BEND7: variants seen among roughly 807,000 people sequenced by gnomAD.
BEND7 encodes the protein BEN domain containing 7.
A neutral mutation model predicts 50.9 loss-of-function variants in BEND7; 28 were observed. The observed-to-expected ratio is 0.55, with a 90% confidence interval of 0.41 to 0.75. The LOEUF (loss-of-function observed/expected upper bound fraction) is 0.75, where lower values mean the gene tolerates loss of function less well. Ranked by LOEUF, BEND7 falls within the 30% of genes least tolerant of loss-of-function variation. The pLI is 0.00. For synonymous variants in BEND7, 170 were observed against 183.9 expected, an observed-to-expected ratio of 0.92 and a Z score of 0.61; for missense variants, 477 against 491.3, an observed-to-expected ratio of 0.97 and a Z score of 0.28.
chr10:13,440,345 C>A (rs74122729), downstream of BEND7, among the ~76,000 whole-genome samples: 1 of 152,224 alleles, frequency 6.6e-6, no homozygotes, highest in African/African-American at 2.4e-5. Flanking sequence ...GAGCCTGACT[C>A]CAGCTTCAGA....
At chr10:13,455,193 A>G (rs771300905) in intron 6 of BEND7, among the ~76,000 whole-genome samples, 1 of 149,230 alleles carries the variant, frequency 6.7e-6, no homozygotes, top group Non-Finnish European at 1.5e-5. Flanking sequence ...CAACAAAACA[A>G]AACAAAACAA....
At position 13,492,672 on chromosome 10, in the gene BEND7, G is replaced by T. The variant is rs1370249223; in HGVS notation, c.776C>A (p.Thr259Asn). The stretch of plus-strand genomic sequence containing the variant: ...TAGAACGCGGCTCTCCTCCGGGGAG[G>T]TGTGCTCGGCTGCCTGGAGAGCAGA... Reference protein sequence around the residue: ...ELSALQAAEHTSPEESRVLGF... With the variant: ...ELSALQAAEHNSPEESRVLGF... The change falls in exon 5 of 9, where the codon ACC becomes AAC. Residue 259 changes from threonine to asparagine, a missense_variant. Physicochemically the swap from Thr to Asn is moderately conservative, Grantham distance 65. Around this residue, in one of 3 missense-constraint regions of BEND7, gnomAD observed 396 missense variants for 384.2 expected, o/e 1.03. Transcript: ENST00000466271. 2 of 1,614,210 alleles carry T rather than the reference G, an allele frequency of 1.2e-6. No homozygotes were observed. Among genetic ancestry groups the T allele is most frequent in the African/African-American group, 2.7e-5 (2 of 75,062 alleles).
At chr10:13,494,193 C>T (rs990781655) in intron 4 of BEND7, among the ~76,000 whole-genome samples, 8 of 152,004 alleles carry the variant, frequency 5.3e-5, no homozygotes, top group African/African-American at 1.2e-4. Flanking sequence ...CCGAGGTGGG[C>T]GGATCACGAG....
downstream of BEND7, chr10:13,439,199 G>T: frequency 1.2e-6 from 2 of 1,613,740 alleles, no homozygotes; most frequent in Middle Eastern, 1.6e-4. Context: ...AGATGTGAAG[G>T]GTAAGAGACT....
At chr10:13,447,056 TAA>T (rs1836496073) in intron 8 of BEND7, 2 of 589,532 alleles carry the variant, frequency 3.4e-6, no homozygotes, top group Admixed American at 6.7e-5. Flanking sequence ...TTTATGAAAA[TAA>T]GAGTGTGAGA....
At chr10:13,467,664 T>C (rs890313385) in intron 6 of BEND7, among the ~76,000 whole-genome samples, 1 of 152,240 alleles carries the variant, frequency 6.6e-6, no homozygotes, top group Non-Finnish European at 1.5e-5. Context: ...TTCAAATTTA[T>C]ATTCTGCCTC....
intron 8 of BEND7, 101 bp downstream of exon 8, chr10:13,447,165 C>T (rs868307262): frequency 7.1e-6 from 9 of 1,263,692 alleles, no homozygotes; most frequent in Admixed American, 1.7e-5. Flanking sequence ...GCAGTTTGCT[C>T]AAGTGTCTGC....
At chr10:13,528,088 G>A (rs1012602559) in intron 1 of BEND7, among the ~76,000 whole-genome samples, 7 of 152,222 alleles carry the variant, frequency 4.6e-5, no homozygotes, top group African/African-American at 1.7e-4. Context: ...GCGGGGGGAA[G>A]GGGGAAGACC....
intron 6 of BEND7, chr10:13,460,014 C>T (rs966967465): frequency 2.0e-5 from 3 of 152,184 alleles, no homozygotes; most frequent in Non-Finnish European, 2.9e-5. Flanking sequence ...GGAGCCAAGC[C>T]GCAGATGTGT....
intron 4 of BEND7, among the ~76,000 whole-genome samples, chr10:13,493,312 T>C (rs1442202407): frequency 1.3e-5 from 2 of 152,208 alleles, no homozygotes; most frequent in Non-Finnish European, 2.9e-5. Context: ...TTCCTAATAA[T>C]CTACAGGTGC....
intron 6 of BEND7, among the ~76,000 whole-genome samples, chr10:13,461,081 C>T (rs570567116): frequency 2.0e-5 from 3 of 152,106 alleles, no homozygotes; most frequent in Non-Finnish European, 2.9e-5. Context: ...GAGTGGGTAG[C>T]GGGGAAAGCT....
intron 6 of BEND7, among the ~76,000 whole-genome samples, chr10:13,460,508 T>A (rs111257880): frequency 0.069 from 10,473 of 152,272 alleles, 1,066 homozygotes; most frequent in African/African-American, 0.23. Flanking sequence ...CAAGCAATCC[T>A]TCTGCCTCAG....
intron 2 of BEND7, among the ~76,000 whole-genome samples, chr10:13,506,725 C>A (rs1044206230): frequency 2.6e-5 from 4 of 152,150 alleles, no homozygotes; most frequent in African/African-American, 9.6e-5. Context: ...ATGGCAACGT[C>A]AGTCTACCAG....
chr10:13,526,348 C>G, intron 1 of BEND7, 127 bp from the exon 2 acceptor site: 1 of 268,146 alleles, frequency 3.7e-6, no homozygotes, highest in Non-Finnish European at 6.8e-6. Flanking sequence ...TTTTTGAGAA[C>G]TGAAATAATC....
downstream of BEND7, chr10:13,439,139 T>A (rs1235563234): frequency 1.3e-6 from 2 of 1,522,934 alleles, no homozygotes; most frequent in Non-Finnish European, 1.8e-6. Context: ...GAAAGATGGG[T>A]GATACACACA....
chr10:13,500,989 G>T (rs1019176837), intron 2 of BEND7: 4 of 243,194 alleles, frequency 1.6e-5, no homozygotes, highest in Non-Finnish European at 2.6e-5. Flanking sequence ...TTTTTCTCCC[G>T]TCTCAGGACA....
chr10:13,500,685 G>C, intron 2 of BEND7: 1 of 985,710 alleles, frequency 1.0e-6, no homozygotes, highest in Non-Finnish European at 1.2e-6. Flanking sequence ...ATCACCTTCA[G>C]AGAGGACGGC....
At chr10:13,498,037 A>G (rs12764013) in intron 3 of BEND7, among the ~76,000 whole-genome samples, 44,967 of 150,536 alleles carry the variant, frequency 0.3, 7,344 homozygotes, top group Non-Finnish European at 0.38. Context: ...GAAATACCAA[A>G]GTAGTCACAG....
intron 2 of BEND7, among the ~76,000 whole-genome samples, chr10:13,518,392 G>C (rs575360616): frequency 6.6e-6 from 1 of 152,210 alleles, no homozygotes; most frequent in Non-Finnish European, 1.5e-5. Flanking sequence ...TCAGAAACCC[G>C]ACAGGCACTA....
Sources: allele counts gnomAD v4.1 joint callset (sites outside exome capture counted in the v4.1 genomes callset), GRCh38; gene constraint gnomAD v4.1.1; regional missense constraint gnomAD v4.1.1; transcripts MANE v1.5; gene names NCBI Gene and HGNC (gene_info 2026-07-23, HGNC 2026-07-21).